The following ZNF682 variants were observed in gnomAD, a reference collection of about 807,000 sequenced individuals.
ZNF682 encodes zinc finger protein 682.
A neutral mutation model predicts 36.5 loss-of-function variants in ZNF682; 29 were observed. The ratio of observed to expected loss-of-function variants is 0.80; its 90% confidence interval spans 0.59 to 1.08. ZNF682 has a LOEUF of 1.08. Ranked by LOEUF, ZNF682 falls within the 50% of genes least tolerant of loss-of-function variation. ZNF682 has a pLI of 0.00. For synonymous variants in ZNF682, 180 were observed against 197.0 expected, an observed-to-expected ratio of 0.91 and a Z score of 0.72; for missense variants, 561 against 579.7, an observed-to-expected ratio of 0.97 and a Z score of 0.33.
At position 20,007,414 on chromosome 19, in the gene ZNF682, G is replaced by C. The variant is rs185817633; in HGVS notation, c.227-139C>G. The C allele has an allele frequency of 2.5e-4, 184 of 736,616 alleles. No individual in the cohort carries two copies. The Admixed American group carries it at 5.5e-3, about 22-fold the overall frequency. 45.6% of individuals were successfully genotyped at this position (736,616 alleles called of 1,614,324 possible). Reference sequence around the variant, plus strand: ...AGCTGGGAAACACTCACTCCAAGGAGAGAAAACAAAATGTTGAGTAAAACA... The same window carrying C: ...AGCTGGGAAACACTCACTCCAAGGACAGAAAACAAAATGTTGAGTAAAACA... On this transcript the variant is annotated intron_variant, in intron 3 of 3. Coordinates refer to ENST00000397165, the MANE Select transcript of ZNF682 (RefSeq NM_033196.3).
chr19:20,034,952 C>T (rs372953150), intron 1 of ZNF682, among the ~76,000 whole-genome samples: 2 of 151,552 alleles, frequency 1.3e-5, no homozygotes, highest in South Asian at 2.1e-4. Context: ...AAAAACCAGC[C>T]GGGCATGTTG....
At chr19:20,003,179 A>C (rs1203738812), downstream of ZNF682, among the ~76,000 whole-genome samples, 7 of 125,796 alleles carry the variant, frequency 5.6e-5, no homozygotes, top group African/African-American at 2.1e-4. Context: ...CGACAGAGCA[A>C]GACTCCGTCT....
intron 1 of ZNF682, among the ~76,000 whole-genome samples, chr19:20,031,291 T>C (rs2088477525): frequency 6.6e-6 from 1 of 152,220 alleles, no homozygotes; most frequent in African/African-American, 2.4e-5. Context: ...TGTAGATATT[T>C]TGTGGCCTGG....
chr19:20,015,967 G>C (rs760607453), intron 3 of ZNF682: 50 of 380,778 alleles, frequency 1.3e-4, no homozygotes, highest in Non-Finnish European at 1.9e-5. Context: ...TAAACGTTGA[G>C]GAATATAGAT....
chr19:20,006,594 TG>T lies in ZNF682; in HGVS notation c.907del (p.His303IlefsTer59). ...AFNRHSHLTK[H>X]KTIHTGKKPY... ...TTTCTTTCCAGTGTGAATTGTCTTA[TG>T]TTTGGTGAGATGTGAGTGCCGGTTA... On this transcript the variant is annotated frameshift_variant, in exon 4 of 4. Coordinates refer to ENST00000397165, the MANE Select transcript of ZNF682 (RefSeq NM_033196.3). LOFTEE classifies it high-confidence loss of function. The T allele has an allele frequency of 6.2e-7, 1 of 1,614,198 alleles. No homozygotes were observed. Among genetic ancestry groups the T allele is most frequent in the Non-Finnish European group, 8.5e-7 (1 of 1,180,022 alleles).
intron 3 of ZNF682, among the ~76,000 whole-genome samples, chr19:20,009,006 C>G (rs1312280525): frequency 6.6e-6 from 1 of 151,948 alleles, no homozygotes; most frequent in African/African-American, 2.4e-5. Context: ...CAGCCAAACC[C>G]TCAAGGAAAA....
At chr19:20,020,850 T>C (rs560088083) in intron 3 of ZNF682, among the ~76,000 whole-genome samples, 28 of 152,276 alleles carry the variant, frequency 1.8e-4, no homozygotes, top group African/African-American at 6.5e-4. Flanking sequence ...CTATGGGTAA[T>C]CTAAAAAGGA....
At chr19:20,023,658 T>C in intron 2 of ZNF682, among the ~76,000 whole-genome samples, 1 of 151,554 alleles carries the variant, frequency 6.6e-6, no homozygotes, top group Non-Finnish European at 1.5e-5. Flanking sequence ...TAATATTTTA[T>C]AAAGGAATTT....
intron 3 of ZNF682, among the ~76,000 whole-genome samples, chr19:20,014,813 T>C (rs1164460325): frequency 6.7e-6 from 1 of 148,348 alleles, no homozygotes; most frequent in Admixed American, 6.7e-5. Context: ...TCTTCTAACA[T>C]GTACGATAAA....
rs1313540778 is a variant in ZNF682 at position 20,012,699 on chromosome 19, C to T, written c.227-5424G>A. On this transcript the variant is annotated intron_variant, in intron 3 of 3. Coordinates refer to ENST00000397165, the MANE Select transcript of ZNF682 (RefSeq NM_033196.3). ...AGGAGAATGGCACGAACCCGGGAGG[C>T]GGAGCTTGCAGTGAACCGAGATCGC... Among the ~76,000 whole-genome samples the T allele has an allele frequency of 3.3e-4, 47 of 144,048 alleles. 1 individual carries two copies. Among genetic ancestry groups the T allele is most frequent in the Admixed American group, 5.8e-4 (8 of 13,722 alleles). 94.5% of individuals were successfully genotyped at this position (144,048 alleles called of 152,430 possible).
At chr19:20,003,495 G>A (rs539228027), downstream of ZNF682, among the ~76,000 whole-genome samples, 12 of 151,996 alleles carry the variant, frequency 7.9e-5, no homozygotes, top group African/African-American at 2.2e-4. Context: ...ACAAGGTCAG[G>A]AGATCGAGAC....
intron 3 of ZNF682, among the ~76,000 whole-genome samples, chr19:20,022,734 G>C (rs903237707): frequency 6.6e-6 from 1 of 152,036 alleles, no homozygotes; most frequent in African/African-American, 2.4e-5. Context: ...TGTGCCCCAA[G>C]ACAATGAAAG....
chr19:20,020,583 G>A (rs1042570406), intron 3 of ZNF682, among the ~76,000 whole-genome samples: 2 of 151,944 alleles, frequency 1.3e-5, no homozygotes, highest in Admixed American at 1.3e-4. Flanking sequence ...TGTAACCAAA[G>A]GAAATAAAAT....
chr19:19,999,915 T>C (rs1599598452), downstream of ZNF682, among the ~76,000 whole-genome samples: 1 of 152,202 alleles, frequency 6.6e-6, no homozygotes, highest in African/African-American at 2.4e-5. Flanking sequence ...ATCCCCACTG[T>C]GTATGGTAGG....
intron 3 of ZNF682, chr19:20,015,397 T>C: frequency 5.1e-6 from 5 of 984,786 alleles, no homozygotes; most frequent in Non-Finnish European, 4.8e-6. Flanking sequence ...GGCTGATTCA[T>C]ATCTGACTTT....
At chr19:20,016,203 T>C (rs746118229) in intron 3 of ZNF682, among the ~76,000 whole-genome samples, 13 of 152,118 alleles carry the variant, frequency 8.5e-5, no homozygotes, top group Non-Finnish European at 1.3e-4. Context: ...GTCAGCTACT[T>C]GGGGGGCTGA....
At position 20,006,022 on chromosome 19, in the gene ZNF682, A is replaced by G. The variant is rs773444580; in HGVS notation, c.1480T>C (p.Ser494Pro). ...KKCGEAFNHC[S>P]NLTT Reference sequence around the variant, plus strand: ...AAAAATTCTTACGTAGTAAGGTTTGAGCAGTGATTAAAAGCTTCCCCACAT... The same window carrying G: ...AAAAATTCTTACGTAGTAAGGTTTGGGCAGTGATTAAAAGCTTCCCCACAT... Residue 494 changes from serine to proline, a missense_variant, in exon 4 of 4, where the codon TCA becomes CCA. Transcript: ENST00000397165. The G allele has an allele frequency of 1.9e-6, 3 of 1,600,950 alleles. No individual in the cohort carries two copies. The highest frequency in any genetic ancestry group is 2.6e-6 in the Non-Finnish European group (3 of 1,172,528).
intron 3 of ZNF682, among the ~76,000 whole-genome samples, chr19:20,009,453 C>T (rs555060884): frequency 3.9e-5 from 6 of 152,216 alleles, no homozygotes; most frequent in South Asian, 2.1e-4. Context: ...GGAAAACATA[C>T]GTAAGGATAT....
At chr19:19,999,059 G>T (rs2088145918) in intron 3 of ZNF682, among the ~76,000 whole-genome samples, 1 of 152,050 alleles carries the variant, frequency 6.6e-6, no homozygotes, top group African/African-American at 2.4e-5. Flanking sequence ...AGATACCCCA[G>T]GGGGCTCTCT....
Sources: allele counts gnomAD v4.1 joint callset (sites outside exome capture counted in the v4.1 genomes callset), GRCh38; gene constraint gnomAD v4.1.1; transcripts MANE v1.5; gene names NCBI Gene and HGNC (gene_info 2026-07-23, HGNC 2026-07-21).